Variants in EGFR observed in about 807,000 individuals in gnomAD.
EGFR encodes epidermal growth factor receptor.
Under a neutral mutation model 143.0 loss-of-function variants are expected in EGFR, and 58 were observed. The ratio of observed to expected loss-of-function variants is 0.41; its 90% CI spans 0.33 to 0.50. The LOEUF is 0.50. Among genes scored for constraint, EGFR ranks in the 20% least tolerant of loss-of-function variants. The pLI is 0.39. For missense variants in EGFR, 1,307 were observed against 1,579.0 expected (o/e 0.83, Z 2.92); for synonymous variants, 613 against 594.4 (o/e 1.03, Z -0.45).
intron 3 of EGFR, among the ~76,000 whole-genome samples, chr7:55,144,051 A>T (rs1418205352): frequency 6.6e-6 from 1 of 152,190 alleles, no homozygotes; most frequent in Non-Finnish European, 1.5e-5. Context: ...AATTGATTTT[A>T]AAAAACTGGA....
rs56276816 is a variant in EGFR, at chr7:55,200,310, C to T, written c.2849-6C>T. The T allele has an allele frequency of 6.2e-7, 1 of 1,613,658 alleles. No homozygotes were observed. Among genetic ancestry groups the T allele is most frequent in the Non-Finnish European group, 8.5e-7 (1 of 1,179,678 alleles). On this transcript the variant is annotated splice_polypyrimidine_tract_variant and splice_region_variant and intron_variant, in intron 23 of 27. Transcript: ENST00000275493. ...ATTGCACTGTTTTTTCTCATTCCTT[C>T]CCCAGGCTGGATGATAGACGCAGAT... is the stretch of plus-strand genomic sequence containing the variant.
intron 1 of EGFR, among the ~76,000 whole-genome samples, chr7:55,125,516 C>G (rs562137760): frequency 1.3e-5 from 2 of 152,344 alleles, no homozygotes; most frequent in Admixed American, 1.3e-4. Flanking sequence ...TCCCATAAAG[C>G]AAACACATAC....
chr7:55,054,115 G>T (rs781781657), intron 1 of EGFR, among the ~76,000 whole-genome samples: 1 of 151,968 alleles, frequency 6.6e-6, no homozygotes. Context: ...CTAATGGTCT[G>T]CCCGTTCTTG....
intron 27 of EGFR, among the ~76,000 whole-genome samples, chr7:55,204,296 A>G (rs533663271): frequency 6.8e-6 from 1 of 146,788 alleles, no homozygotes; most frequent in Non-Finnish European, 1.5e-5. Flanking sequence ...TCCACACACC[A>G]CACATGTACA....
intron 27 of EGFR, among the ~76,000 whole-genome samples, chr7:55,203,476 A>G (rs1433501326): frequency 6.8e-6 from 1 of 147,136 alleles, no homozygotes; most frequent in Non-Finnish European, 1.5e-5. Flanking sequence ...CACACACACC[A>G]CACATACATA....
At chr7:55,027,940 C>T (rs1271625998) in intron 1 of EGFR, among the ~76,000 whole-genome samples, 25 of 139,764 alleles carry the variant, frequency 1.8e-4, no homozygotes, top group African/African-American at 6.4e-4. Context: ...TGGAGTACAG[C>T]TGCTGACATT....
chr7:55,065,046 A>G (rs1262937839), intron 1 of EGFR, among the ~76,000 whole-genome samples: 2 of 152,248 alleles, frequency 1.3e-5, no homozygotes, highest in Non-Finnish European at 2.9e-5. Context: ...GCATGTATTG[A>G]AAAGCATCTC....
At chr7:55,202,095 C>A (rs1787875471) in intron 26 of EGFR, among the ~76,000 whole-genome samples, 1 of 152,212 alleles carries the variant, frequency 6.6e-6, no homozygotes, top group Admixed American at 6.5e-5. Context: ...ATGCTGATGT[C>A]TGTTGAAGTG....
intron 19 of EGFR, chr7:55,181,054 T>A (rs557544257): frequency 1.7e-6 from 1 of 593,872 alleles, no homozygotes; most frequent in Non-Finnish European, 3.0e-6. Flanking sequence ...CCTGGGCCTC[T>A]CTGTCATGGG....
intron 13 of EGFR, among the ~76,000 whole-genome samples, chr7:55,162,530 C>G (rs941920883): frequency 6.6e-5 from 10 of 152,238 alleles, no homozygotes; most frequent in African/African-American, 1.7e-4. Flanking sequence ...GCAATCCTTA[C>G]AGCTACAAAT....
At chr7:55,192,696 A>G (rs1787452806) in intron 21 of EGFR, 70 bp from the exon 22 acceptor site, 2 of 1,414,596 alleles carry the variant, frequency 1.4e-6, no homozygotes, top group Non-Finnish European at 2.0e-6. Flanking sequence ...TTAGGTCCAG[A>G]GTGAGTTAAC....
chr7:55,137,644 C>T (rs1794222003), intron 1 of EGFR, among the ~76,000 whole-genome samples: 2 of 152,224 alleles, frequency 1.3e-5, no homozygotes, highest in Non-Finnish European at 1.5e-5. Flanking sequence ...ATCCACTTTC[C>T]TGAACCTGCC....
chr7:55,051,057 G>C (rs757383862), intron 1 of EGFR, among the ~76,000 whole-genome samples: 1 of 152,154 alleles, frequency 6.6e-6, no homozygotes, highest in Admixed American at 6.5e-5. Context: ...AATCCTGGTC[G>C]GCACCATGCT....
At chr7:55,027,815 G>A (rs1442616930) in intron 1 of EGFR, among the ~76,000 whole-genome samples, 1 of 151,858 alleles carries the variant, frequency 6.6e-6, no homozygotes, top group Admixed American at 6.6e-5. Flanking sequence ...ATTGGTACTT[G>A]TGAATTAGAA....
At chr7:55,174,153 T>C in intron 18 of EGFR, 110 bp downstream of exon 18, 3 of 1,464,552 alleles carry the variant, frequency 2.0e-6, no homozygotes, top group Non-Finnish European at 2.8e-6. Flanking sequence ...CTTTACTCTT[T>C]GTTTCACTGA....
At chr7:55,181,227 G>T (rs565372742) in intron 19 of EGFR, 66 bp from the exon 20 acceptor site, 1 of 1,569,380 alleles carries the variant, frequency 6.4e-7, no homozygotes, top group African/African-American at 1.4e-5. Flanking sequence ...ACCTGGAAGG[G>T]GTCCATGTGC....
chr7:55,198,930 C>T (rs2128969068), intron 23 of EGFR, 67 bp downstream of exon 23: 1 of 1,598,844 alleles, frequency 6.3e-7, no homozygotes, highest in South Asian at 1.1e-5. Context: ...AGCCAAACAG[C>T]TGAGGCCTTT....
chr7:55,026,355 T>C (rs995217947), intron 1 of EGFR, among the ~76,000 whole-genome samples: 2 of 152,168 alleles, frequency 1.3e-5, no homozygotes, highest in African/African-American at 4.8e-5. Flanking sequence ...AGTGAGGAAA[T>C]AGCCAGAAAG....
At position 55,020,353 on chromosome 7, in the gene EGFR, G is replaced by T. The variant is rs1038842499; in HGVS notation, c.88+988G>T. Among the ~76,000 whole-genome samples the T allele has an allele frequency of 2.0e-5, 3 of 152,194 alleles. No individual in the cohort carries two copies. In the South Asian group the frequency reaches 6.2e-4, roughly 31 times the overall value. The stretch of plus-strand genomic sequence containing the variant: ...TCGCGCCTGGGCTTCGCGGTGGAGC[G>T]GGACGCGGCTGTCCGGCCACTGCAG... On this transcript the variant is annotated intron_variant, in intron 1 of 27. Coordinates refer to ENST00000275493, the MANE Select transcript of EGFR (RefSeq NM_005228.5).
Sources: gnomAD v4.1 joint callset for allele counts (sites outside exome capture counted in the v4.1 genomes callset) on GRCh38, gnomAD v4.1.1 for gene constraint, MANE v1.5 for transcripts, NCBI Gene and HGNC (gene_info 2026-07-23, HGNC 2026-07-21) for gene names.